The following ABHD18 variants were observed in gnomAD, a reference collection of about 807,000 sequenced individuals.
ABHD18 encodes abhydrolase domain containing 18.
Under a neutral mutation model 65.9 loss-of-function variants are expected in ABHD18, and 55 were observed. That is an observed-to-expected ratio of 0.84 (90% CI 0.67 to 1.05). The LOEUF (loss-of-function observed/expected upper bound fraction) is 1.05. Among genes scored for constraint, ABHD18 ranks in the 50% least tolerant of loss-of-function variants. The pLI, the probability that ABHD18 is intolerant of heterozygous loss-of-function variation, is 0.00. For missense variants in ABHD18, 533 were observed against 558.5 expected, an observed-to-expected ratio of 0.95 and a Z score of 0.46; for synonymous variants, 181 against 180.2, an observed-to-expected ratio of 1.00 and a Z score of -0.04.
chr4:127,994,382 G>A (rs557001589), intron 4 of ABHD18, among the ~76,000 whole-genome samples: 1 of 152,252 alleles, frequency 6.6e-6, no homozygotes, highest in South Asian at 2.1e-4. Flanking sequence ...ATCACCTTGA[G>A]GTCAGGAGTT....
At chr4:128,026,329 T>A (rs150729434) in intron 10 of ABHD18, among the ~76,000 whole-genome samples, 8,426 of 151,508 alleles carry the variant, frequency 0.056, 375 homozygotes, top group Non-Finnish European at 0.083. Flanking sequence ...CATGGTGGCA[T>A]GCGCCTGTAG....
chr4:128,030,660 A>T lies in ABHD18; in HGVS notation c.1331A>T (p.Gln444Leu), dbSNP rs1357211635. ...CATATTAGTGCTTATCTTTTTAAACAAGGACTCTTCAGGTAAGACGGCTGG... is the reference window on the plus strand; with the variant it reads ...CATATTAGTGCTTATCTTTTTAAACTAGGACTCTTCAGGTAAGACGGCTGG... ...GGHISAYLFK[Q>L]GLFRQAIYDA... is the part of the protein sequence containing the mutation. The change falls in exon 12 of 13, where the codon CAA becomes CTA. Residue 444 changes from glutamine to leucine, a missense_variant. By Grantham distance (113) the Gln-to-Leu change is moderately radical. Transcript: ENST00000645843. The T allele has an allele frequency of 1.3e-6, 2 of 1,592,060 alleles. No individual in the cohort carries two copies. Among genetic ancestry groups the T allele is most frequent in the African/African-American group, 2.7e-5 (2 of 73,470 alleles).
chr4:127,973,666 G>A, intron 1 of ABHD18, among the ~76,000 whole-genome samples: 1 of 151,928 alleles, frequency 6.6e-6, no homozygotes, highest in Non-Finnish European at 1.5e-5. Flanking sequence ...ATGTTATATG[G>A]CAAAGGTATG....
rs73847086 is a variant in ABHD18 at position 127,989,616 on chromosome 4, A to G, written c.178-105A>G. Reference sequence around the variant, plus strand: ...TAAAAAGTTTACATAGTAGGTGCTGAAAACATGATTTTAATTGGATAGAAC... The same window carrying G: ...TAAAAAGTTTACATAGTAGGTGCTGGAAACATGATTTTAATTGGATAGAAC... On this transcript the variant is annotated intron_variant, in intron 3 of 12. Transcript: ENST00000645843. The G allele has an allele frequency of 1.2e-4, 82 of 682,094 alleles. 1 individual carries two copies. The African/African-American group carries it at 1.2e-3, about 10-fold the overall frequency. The allele number at this position is 682,094 out of a possible 1,614,324, so 42.3% of individuals were successfully genotyped here. A position where few individuals can be genotyped will look rare whatever the true frequency, so the allele number is the denominator to read the frequency against.
At chr4:128,028,998 G>T in intron 11 of ABHD18, 145 bp downstream of exon 11, 1 of 635,796 alleles carries the variant, frequency 1.6e-6, no homozygotes, top group South Asian at 2.8e-5. Flanking sequence ...AAGATAAGTT[G>T]GTTACTTAAA....
intron 12 of ABHD18, among the ~76,000 whole-genome samples, chr4:128,032,578 C>A (rs1168878117): frequency 1.3e-5 from 2 of 151,834 alleles, no homozygotes; most frequent in Middle Eastern, 3.2e-3. Flanking sequence ...CCCAGCTACT[C>A]AGGAGGCTGA....
At position 127,980,884 on chromosome 4, in the gene ABHD18, T is replaced by C. The variant is rs112642494; in HGVS notation, c.-17-2055T>C. Among the ~76,000 whole-genome samples the C allele has an allele frequency of 4.4e-3, 661 of 151,346 alleles. 10 individuals are homozygous for C. The highest frequency in any genetic ancestry group is 0.015 in the African/African-American group (631 of 41,204). ...GGGATTATTTTCTCCATTTTTACTA[T>C]ACATACCTTCATATTGTTGAATTTA... On this transcript the variant is annotated intron_variant, in intron 1 of 12. Transcript: ENST00000645843.
chr4:128,024,456 C>T (rs559851898), intron 10 of ABHD18, among the ~76,000 whole-genome samples: 1 of 152,270 alleles, frequency 6.6e-6, no homozygotes, highest in East Asian at 1.9e-4. Context: ...CACTTCTCAT[C>T]TCACTTAGAA....
intron 4 of ABHD18, chr4:128,001,790 CTT>C: frequency 6.5e-7 from 1 of 1,531,672 alleles, no homozygotes; most frequent in Non-Finnish European, 8.8e-7. Flanking sequence ...TCTCTAGAAA[CTT>C]TTGTGGTCTT....
chr4:128,028,854 G>A lies in ABHD18; in HGVS notation c.1180+1G>A, dbSNP rs1215021907. 6.6e-6 allele frequency: 10 copies of A among 1,522,678 alleles called. No homozygotes were observed. Among genetic ancestry groups the A allele is most frequent in the Non-Finnish European group, 8.8e-6 (10 of 1,137,698 alleles). The allele number at this position is 1,522,678 out of a possible 1,614,324, so 94.3% of individuals were successfully genotyped here. A position where few individuals can be genotyped will look rare whatever the true frequency, so the allele number is the denominator to read the frequency against. ...TGTACTCATGTAGCAAATTTCTCAG[G>A]TACTAATTTTTATATGAAATTGAGA... On this transcript the variant is annotated splice_donor_variant, in intron 11 of 12. Transcript: ENST00000645843. LOFTEE classifies it high-confidence loss of function.
chr4:128,028,945 T>A, intron 11 of ABHD18, 92 bp downstream of exon 11: 1 of 1,082,402 alleles, frequency 9.2e-7, no homozygotes, highest in Non-Finnish European at 1.3e-6. Flanking sequence ...AATTTTATAT[T>A]TTCAAGGGTA....
At chr4:128,014,022 TGCCCAG>T (rs1241684556) in intron 7 of ABHD18, among the ~76,000 whole-genome samples, 1 of 148,580 alleles carries the variant, frequency 6.7e-6, no homozygotes, top group Non-Finnish European at 1.5e-5. Flanking sequence ...TCGCTCTTGT[TGCCCAG>T]GCTGGAGTGC....
rs532082512 is a variant in ABHD18 at position 127,985,928 on chromosome 4, T to C, written c.177+1505T>C. The stretch of plus-strand genomic sequence containing the variant: ...TACTCGGGAGGCTGAGACAGGAGAA[T>C]TGCTTGAACCCAGGATGCGGAGGTT... On this transcript the variant is annotated intron_variant, in intron 3 of 12. Transcript: ENST00000645843. Among the ~76,000 whole-genome samples, 48 of 152,226 alleles carry C rather than the reference T, an allele frequency of 3.2e-4. No individual in the cohort carries two copies. The South Asian group carries it at 9.3e-3, about 30-fold the overall frequency.
Position 128,017,690 on chromosome 4 carries a change from G to T in ABHD18, c.609+189G>T, listed in dbSNP as rs77680903. ...TAATTTTTTGTACGATTTATTGATT[G>T]TACTACTCCACAGTTGTATCTCAGA... is the stretch of plus-strand genomic sequence containing the variant. On this transcript the variant is annotated intron_variant, in intron 8 of 12. Transcript: ENST00000645843. 9.1e-3 allele frequency among the ~76,000 whole-genome samples: 1,386 copies of T among 152,214 alleles called. 33 individuals are homozygous for T. Among genetic ancestry groups the T allele is most frequent in the African/African-American group, 0.032 (1,314 of 41,530 alleles).
intron 4 of ABHD18, among the ~76,000 whole-genome samples, chr4:128,002,288 T>C (rs1277598669): frequency 6.6e-6 from 1 of 150,576 alleles, no homozygotes; most frequent in Non-Finnish European, 1.5e-5. Context: ...TTTTTTTTTC[T>C]TTTTTTGAGA....
intron 3 of ABHD18, among the ~76,000 whole-genome samples, chr4:127,987,698 G>A (rs1396703361): frequency 6.7e-6 from 1 of 148,918 alleles, no homozygotes; most frequent in East Asian, 1.9e-4. Flanking sequence ...AGGTGACAGA[G>A]CAAGACTCAA....
intron 11 of ABHD18, among the ~76,000 whole-genome samples, chr4:128,030,054 T>TTA (rs1431561725): frequency 1.3e-5 from 2 of 151,838 alleles, no homozygotes; most frequent in Non-Finnish European, 2.9e-5. Flanking sequence ...ACTCAGGAAG[T>TTA]TAAGGAGGGA....
At chr4:128,016,854 C>CT (rs953377370) in intron 7 of ABHD18, among the ~76,000 whole-genome samples, 11 of 152,066 alleles carry the variant, frequency 7.2e-5, no homozygotes, top group African/African-American at 1.4e-4. Flanking sequence ...AACAGGAACA[C>CT]TTTTTTTTGT....
intron 3 of ABHD18, among the ~76,000 whole-genome samples, chr4:127,988,813 G>C (rs548034384): frequency 7.9e-5 from 12 of 152,254 alleles, no homozygotes; most frequent in African/African-American, 2.6e-4. Context: ...AGGAAACCTC[G>C]TACAGTGTTG....
Sources: allele counts gnomAD v4.1 joint callset (sites outside exome capture counted in the v4.1 genomes callset), GRCh38; gene constraint gnomAD v4.1.1; transcripts MANE v1.5; gene names NCBI Gene and HGNC (gene_info 2026-07-23, HGNC 2026-07-21).